The following CENPL variants were observed in gnomAD, a reference collection of about 807,000 sequenced individuals.
CENPL encodes interphase centromere complex protein 33.
In CENPL, 20 loss-of-function variants were observed where a neutral mutation model predicts 35.2. The observed-to-expected ratio is 0.57, with a 90% CI of 0.40 to 0.83. The LOEUF (loss-of-function observed/expected upper bound fraction) is 0.83, where lower values mean the gene tolerates loss of function less well. Ranked by LOEUF, CENPL falls within the 40% of genes least tolerant of loss-of-function variation. The pLI, the probability that CENPL is intolerant of heterozygous loss-of-function variation, is 0.00. For missense variants in CENPL, 363 were observed against 395.8 expected, an observed-to-expected ratio of 0.92 and a Z score of 0.70; for synonymous variants, 140 against 140.6, an observed-to-expected ratio of 1.00 and a Z score of 0.03.
chr1:173,814,363 A>C (rs1477532635), intron 2 of CENPL, among the ~76,000 whole-genome samples: 1 of 152,140 alleles, frequency 6.6e-6, no homozygotes, highest in Non-Finnish European at 1.5e-5. Context: ...TCTCCACCCC[A>C]AATCAACAGA....
chr1:173,814,307 T>TA (rs1320257303), intron 2 of CENPL, among the ~76,000 whole-genome samples: 1 of 152,092 alleles, frequency 6.6e-6, no homozygotes, highest in Admixed American at 6.5e-5. Context: ...ATCCAGGACT[T>TA]AAACTCAGCT....
At chr1:173,805,745 C>G (rs940770024) in intron 4 of CENPL, among the ~76,000 whole-genome samples, 7 of 152,000 alleles carry the variant, frequency 4.6e-5, no homozygotes, top group Admixed American at 3.9e-4. Context: ...AAGGTAACTT[C>G]TAAGATGAAA....
Position 173,799,592 on chromosome 1 carries a change from T to C in CENPL, c.*856A>G, listed in dbSNP as rs756775167. The C allele has an allele frequency of 1.5e-4, 23 of 152,068 alleles. No individual in the cohort carries two copies. The highest frequency in any genetic ancestry group is 3.2e-4 in the Non-Finnish European group (22 of 68,024). The allele number at this position is 152,068 out of a possible 1,614,324, so 9.4% of individuals were successfully genotyped here. ...ATTTAATTCAACATTGCAACAGGAG[T>C]TGAACTGTATTTAAAACAGAAGCAT... On this transcript the variant is annotated 3_prime_UTR_variant, in exon 6 of 6. Transcript: ENST00000682279.
intron 2 of CENPL, among the ~76,000 whole-genome samples, chr1:173,821,030 T>TC (rs1385096024): frequency 1.3e-5 from 2 of 152,210 alleles, no homozygotes; most frequent in African/African-American, 4.8e-5. Flanking sequence ...TTCTAAAGCA[T>TC]CCTAGCTTTA....
At chr1:173,806,965 A>C (rs1304452113) in intron 4 of CENPL, among the ~76,000 whole-genome samples, 1 of 152,202 alleles carries the variant, frequency 6.6e-6, no homozygotes, top group Non-Finnish European at 1.5e-5. Context: ...GATATAAGTA[A>C]TTGTCTACAA....
intron 4 of CENPL, 89 bp from the exon 5 acceptor site, chr1:173,803,594 A>G: frequency 1.6e-6 from 2 of 1,215,808 alleles, no homozygotes; most frequent in Non-Finnish European, 1.1e-6. Flanking sequence ...TAAAAATAAG[A>G]CGAGCCAATG....
intron 2 of CENPL, among the ~76,000 whole-genome samples, chr1:173,817,834 A>G (rs545714235): frequency 7.2e-5 from 11 of 152,330 alleles, no homozygotes; most frequent in African/African-American, 1.7e-4. Context: ...ATAAAAAAGA[A>G]TAAGTTCATA....
At chr1:173,803,990 T>C (rs892292582) in intron 4 of CENPL, among the ~76,000 whole-genome samples, 3 of 151,978 alleles carry the variant, frequency 2.0e-5, no homozygotes, top group African/African-American at 7.3e-5. Context: ...TCTTATACAG[T>C]GGAAACATGA....
chr1:173,806,781 C>A (rs1216940800), intron 4 of CENPL, among the ~76,000 whole-genome samples: 2 of 151,998 alleles, frequency 1.3e-5, no homozygotes, highest in African/African-American at 4.8e-5. Flanking sequence ...CCGTAGCCTC[C>A]CAAAGTGCTG....
In CENPL at chr1:173,802,083, T is replaced by C. The variant is rs2102560345; in HGVS notation, c.963+880A>G. On this transcript the variant is annotated intron_variant, in intron 5 of 5. Coordinates refer to ENST00000682279, the MANE Select transcript of CENPL (RefSeq NM_001387287.1). ...CCTAACTACAGGGTTGCTCTAAAGA[T>C]TAGAATTTAAGTCTGTTAAACTCTT... is the stretch of plus-strand genomic sequence containing the variant. Among the ~76,000 whole-genome samples the C allele has an allele frequency of 2.0e-5, 3 of 151,994 alleles. No individual in the cohort carries two copies. In the East Asian group the frequency reaches 5.8e-4, roughly 29 times the overall value.
Position 173,803,468 on chromosome 1 carries a change from T to C in CENPL, c.458A>G (p.Glu153Gly). 1 of 1,590,514 alleles carries C rather than the reference T, an allele frequency of 6.3e-7. No homozygotes were observed. Reference sequence around the variant, plus strand: ...CCAGCCAGTCCACAGCACTTTACCTTCTCTATTCTCAGATGGCAATTGAGA... The same window carrying C: ...CCAGCCAGTCCACAGCACTTTACCTCCTCTATTCTCAGATGGCAATTGAGA... ...SKSQLPSENR[E>G]GKVLWTGWFC... Residue 153 changes from glutamate to glycine, a missense_variant, in exon 5 of 6, where the codon GAA (glutamate) becomes GGA (glycine). Transcript: ENST00000682279.
chr1:173,821,140 A>G (rs1333320284), intron 2 of CENPL, among the ~76,000 whole-genome samples: 2 of 152,212 alleles, frequency 1.3e-5, no homozygotes, highest in Admixed American at 6.5e-5. Context: ...AATTGCTAAC[A>G]CTTATTGAGC....
At chr1:173,819,542 G>GCA (rs1651739743) in intron 2 of CENPL, among the ~76,000 whole-genome samples, 1 of 151,300 alleles carries the variant, frequency 6.6e-6, no homozygotes, top group Non-Finnish European at 1.5e-5. Flanking sequence ...TGAGCCAAGA[G>GCA]CACACCACTG....
intron 5 of CENPL, among the ~76,000 whole-genome samples, chr1:173,801,740 A>G (rs1349301436): frequency 6.6e-6 from 1 of 152,156 alleles, no homozygotes; most frequent in Non-Finnish European, 1.5e-5. Context: ...GAATCACTTA[A>G]ACCCAGGAGG....
intron 3 of CENPL, among the ~76,000 whole-genome samples, chr1:173,809,315 C>T (rs1650574428): frequency 6.6e-6 from 1 of 151,638 alleles, no homozygotes; most frequent in Non-Finnish European, 1.5e-5. Flanking sequence ...TGCACTCCAG[C>T]CTGGGTGATA....
In CENPL at chr1:173,800,270, C is replaced by T. The variant is rs1241069660; in HGVS notation, c.*178G>A. On this transcript the variant is annotated 3_prime_UTR_variant, in exon 6 of 6. Transcript: ENST00000682279. The stretch of plus-strand genomic sequence containing the variant: ...GCACCTGGCTGTGGCTCATCTACTA[C>T]CATATTCTTTGTTCTTCTAGATCCT... 6 of 482,302 alleles carry T rather than the reference C, an allele frequency of 1.2e-5. No homozygotes were observed. The highest frequency in any genetic ancestry group is 1.9e-5 in the Non-Finnish European group (5 of 264,020). The allele number at this position is 482,302 out of a possible 1,614,324, so 29.9% of individuals were successfully genotyped here.
intron 2 of CENPL, among the ~76,000 whole-genome samples, chr1:173,815,800 C>CA (rs1465595015): frequency 3.9e-5 from 6 of 152,154 alleles, no homozygotes; most frequent in Admixed American, 6.5e-5. Context: ...CCTCTCTCAC[C>CA]ACTCCTATTC....
At position 173,803,242 on chromosome 1, in the gene CENPL, G is replaced by C; in HGVS notation, c.684C>G (p.Cys228Trp). ...TAGTAGCCACATAATGGTCCATTTT[G>C]CATGCAGTCCACATGGCAGCCATCC... The part of the protein sequence containing the change: ...LSWMAAMWTA[C>W]KMDHYVATTE... The change falls in exon 5 of 6, where the codon TGC becomes TGG. Residue 228 changes from cysteine to tryptophan, a missense_variant. Cys to Trp is a radical substitution (Grantham distance 215, BLOSUM62 -2). Coordinates refer to ENST00000682279, the MANE Select transcript of CENPL (RefSeq NM_001387287.1). The C allele has an allele frequency of 6.2e-7, 1 of 1,613,910 alleles. No homozygotes were observed. Among genetic ancestry groups the C allele is most frequent in the Non-Finnish European group, 8.5e-7 (1 of 1,179,774 alleles).
intron 2 of CENPL, among the ~76,000 whole-genome samples, chr1:173,817,397 T>C (rs1385962644): frequency 1.3e-5 from 2 of 152,008 alleles, no homozygotes; most frequent in Admixed American, 6.5e-5. Flanking sequence ...AACAAACACA[T>C]GAAAAAATGC....
Sources: gnomAD v4.1 joint callset for allele counts (sites outside exome capture counted in the v4.1 genomes callset) on GRCh38, gnomAD v4.1.1 for gene constraint, MANE v1.5 for transcripts, NCBI Gene and HGNC (gene_info 2026-07-23, HGNC 2026-07-21) for gene names.